Variants in FUT8 observed in about 807,000 individuals in gnomAD.
FUT8 encodes alpha-(1,6)-fucosyltransferase.
Under a neutral mutation model 71.3 loss-of-function variants are expected in FUT8, and 29 were observed. The ratio of observed to expected loss-of-function variants is 0.41; its 90% CI spans 0.30 to 0.55. The LOEUF (loss-of-function observed/expected upper bound fraction) is 0.55, where lower values mean the gene tolerates loss of function less well. Ranked by LOEUF, FUT8 falls within the 20% of genes least tolerant of loss-of-function variation. The probability of loss-of-function intolerance (pLI) is 0.34; values close to 1 mark genes in which losing one functional copy is unlikely to be tolerated. For missense variants in FUT8, 544 were observed against 702.1 expected (o/e 0.77, Z 2.55); for synonymous variants, 254 against 239.3 (o/e 1.06, Z -0.57).
intron 3 of FUT8, among the ~76,000 whole-genome samples, chr14:65,569,224 C>G (rs1886353079): frequency 6.6e-6 from 1 of 151,628 alleles, no homozygotes; most frequent in Non-Finnish European, 1.5e-5. Flanking sequence ...GTTCACTGAG[C>G]TGCTTAAATC....
At chr14:65,720,373 T>C (rs4902413) in intron 7 of FUT8, among the ~76,000 whole-genome samples, 126,269 of 151,896 alleles carry the variant, frequency 0.83, 52,653 homozygotes, top group East Asian at 1. Context: ...CTGGGCTCCC[T>C]TCTGGCCCAG....
intron 3 of FUT8, among the ~76,000 whole-genome samples, chr14:65,588,849 ATAAG>A (rs1317989075): frequency 3.3e-5 from 5 of 152,202 alleles, no homozygotes; most frequent in African/African-American, 1.2e-4. Flanking sequence ...AAACGTTATA[ATAAG>A]TATATATGTC....
At chr14:65,650,759 A>AT (rs1272865307) in intron 6 of FUT8, among the ~76,000 whole-genome samples, 2 of 149,812 alleles carry the variant, frequency 1.3e-5, no homozygotes, top group Non-Finnish European at 3.0e-5. Flanking sequence ...GTAATTTCCT[A>AT]TTTTTTGTGT....
At chr14:65,567,988 T>A (rs1485837747) in intron 3 of FUT8, among the ~76,000 whole-genome samples, 3 of 151,936 alleles carry the variant, frequency 2.0e-5, no homozygotes, top group African/African-American at 4.8e-5. Context: ...TTAAATATTA[T>A]AATTCTACCA....
intron 2 of FUT8, among the ~76,000 whole-genome samples, chr14:65,475,866 G>A (rs139256826): frequency 6.6e-6 from 1 of 152,244 alleles, no homozygotes; most frequent in African/African-American, 2.4e-5. Flanking sequence ...CCTTGTAGGG[G>A]GTGAGGTGGC....
At chr14:65,608,353 G>A (rs1888696615) in intron 3 of FUT8, among the ~76,000 whole-genome samples, 1 of 151,642 alleles carries the variant, frequency 6.6e-6, no homozygotes, top group South Asian at 2.1e-4. Context: ...TGGCATAATT[G>A]TTGAAAGTAT....
At chr14:65,601,486 A>C (rs1888285345) in intron 3 of FUT8, among the ~76,000 whole-genome samples, 1 of 152,172 alleles carries the variant, frequency 6.6e-6, no homozygotes, top group African/African-American at 2.4e-5. Context: ...GGTCCGAATT[A>C]TGTTAATCTT....
rs368186422 is a variant in FUT8 at position 65,733,351 on chromosome 14, A to G, written c.1380A>G (p.Ala460=). 5.0e-6 allele frequency: 8 copies of G among 1,601,040 alleles called. No individual in the cohort carries two copies. The highest frequency in any genetic ancestry group is 6.8e-6 in the Non-Finnish European group (8 of 1,173,792). ...VILDIHFLSQ[A]DFLVCTFSSQ... is the part of the protein sequence containing the mutation. ...TGGATATACATTTTCTCTCTCAGGC[A>G]GACTTCCTAGTGTGTACTTTTTCAT... The change falls in exon 10 of 11, where the codon GCA becomes GCG. Residue 460 remains alanine (A), a synonymous_variant. Coordinates refer to ENST00000673929, the MANE Select transcript of FUT8 (RefSeq NM_001371533.1).
chr14:65,558,456 A>G (rs1360222687), intron 2 of FUT8, among the ~76,000 whole-genome samples: 1 of 152,110 alleles, frequency 6.6e-6, no homozygotes, highest in Non-Finnish European at 1.5e-5. Flanking sequence ...TTTTTGAACC[A>G]TTTCCTTATA....
At chr14:65,565,529 G>A (rs1886148447) in intron 3 of FUT8, among the ~76,000 whole-genome samples, 1 of 151,904 alleles carries the variant, frequency 6.6e-6, no homozygotes, top group African/African-American at 2.4e-5. Flanking sequence ...ATACCTAGGA[G>A]TGGAACTGCT....
intron 7 of FUT8, among the ~76,000 whole-genome samples, chr14:65,709,216 A>G (rs1001741645): frequency 6.6e-6 from 1 of 152,200 alleles, no homozygotes; most frequent in Non-Finnish European, 1.5e-5. Flanking sequence ...ATGAGTAAAC[A>G]CTAGGGTCTG....
rs116369625 is a variant in FUT8 at position 65,669,073 on chromosome 14, C to A, written c.598-170C>A. Among the ~76,000 whole-genome samples the A allele has an allele frequency of 2.7e-4, 41 of 151,962 alleles. 1 individual carries two copies. Among genetic ancestry groups the A allele is most frequent in the African/African-American group, 9.7e-4 (40 of 41,428 alleles). ...GGGTGAAGATCAAAAAGCTGCATAT[C>A]ACTTACTATGCTGATTACTTGGGGT... On this transcript the variant is annotated intron_variant, in intron 6 of 10. Coordinates refer to ENST00000673929, the MANE Select transcript of FUT8 (RefSeq NM_001371533.1). This position sits in a 1 kb window ranked among gnomAD's most constrained non-coding sequence, Gnocchi z 4.5.
intron 2 of FUT8, among the ~76,000 whole-genome samples, chr14:65,510,852 A>G (rs1430261088): frequency 2.6e-5 from 4 of 152,016 alleles, no homozygotes; most frequent in African/African-American, 7.2e-5. Flanking sequence ...TAACTTTTCC[A>G]GCAACCAACT....
intron 2 of FUT8, among the ~76,000 whole-genome samples, chr14:65,517,072 A>G (rs2139844917): frequency 6.6e-6 from 1 of 152,016 alleles, no homozygotes; most frequent in Non-Finnish European, 1.5e-5. Flanking sequence ...GATGATTAAT[A>G]TTCCGTTATA....
chr14:65,544,896 A>G (rs1019730021), intron 2 of FUT8, among the ~76,000 whole-genome samples: 2 of 151,944 alleles, frequency 1.3e-5, no homozygotes, highest in Non-Finnish European at 2.9e-5. Flanking sequence ...TAGGATTTAT[A>G]TGAAAATTTT....
At position 65,614,413 on chromosome 14, in the gene FUT8, T is replaced by G. The variant is rs879369311; in HGVS notation, c.204-1565T>G. ...AAGGATCAATATATGTACGTATTAA[T>G]TTCCTATTGCTGCTTTGACAAATAC... On this transcript the variant is annotated intron_variant, in intron 3 of 10. Transcript: ENST00000673929. Among the ~76,000 whole-genome samples, 26 of 152,320 alleles carry G rather than the reference T, an allele frequency of 1.7e-4. No homozygotes were observed. In the East Asian group the frequency reaches 4.6e-3, roughly 27 times the overall value.
chr14:65,597,973 A>C (rs1191489078), intron 3 of FUT8, among the ~76,000 whole-genome samples: 1 of 152,144 alleles, frequency 6.6e-6, no homozygotes, highest in Non-Finnish European at 1.5e-5. Flanking sequence ...GTTGGAAACC[A>C]GTCTGGGCTA....
At chr14:65,360,505 T>C in the FUT8 span, among the ~76,000 whole-genome samples, 3 of 152,270 alleles carry the variant, frequency 2.0e-5, no homozygotes, top group Non-Finnish European at 2.9e-5. Context: ...GACTGGCCTA[T>C]TAAAGGCACT....
At chr14:65,401,895 T>TAAA in the FUT8 span, among the ~76,000 whole-genome samples, 1 of 105,262 alleles carries the variant, frequency 9.5e-6, no homozygotes. Context: ...AGACCCTGTC[T>TAAA]AAAAAAAAAA....
Sources: allele counts gnomAD v4.1 joint callset (sites outside exome capture counted in the v4.1 genomes callset), GRCh38; gene constraint gnomAD v4.1.1; non-coding constraint Gnocchi (gnomAD v3.1); transcripts MANE v1.5; gene names NCBI Gene and HGNC (gene_info 2026-07-23, HGNC 2026-07-21).